The following CTNND2 variants were observed in gnomAD, a reference collection of about 807,000 sequenced individuals.
The protein encoded by CTNND2 is catenin delta 2.
Under a neutral mutation model 144.4 loss-of-function variants are expected in CTNND2, and 22 were observed. That is an observed-to-expected ratio of 0.15 (90% CI 0.11 to 0.22). CTNND2 has a LOEUF of 0.22. CTNND2 is among the 10% of genes least tolerant of loss of function. The probability of loss-of-function intolerance (pLI) is 1.00; values close to 1 mark genes in which losing one functional copy is unlikely to be tolerated. For synonymous variants in CTNND2, 751 were observed against 695.6 expected (o/e 1.08, Z -1.25); for missense variants, 1,353 against 1,618.8 (o/e 0.84, Z 2.82).
intron 12 of CTNND2, among the ~76,000 whole-genome samples, chr5:11,132,187 C>T (rs1755686026): frequency 6.6e-6 from 1 of 152,202 alleles, no homozygotes; most frequent in Non-Finnish European, 1.5e-5. Flanking sequence ...TGTAAGCTGA[C>T]TGCTCACTGG....
intron 2 of CTNND2, among the ~76,000 whole-genome samples, chr5:11,677,157 T>C (rs1021515453): frequency 5.9e-5 from 9 of 152,202 alleles, no homozygotes; most frequent in Non-Finnish European, 1.3e-4. Flanking sequence ...CTTAAGAGTC[T>C]ATTCTTGCAA....
At chr5:11,133,209 A>G (rs1389103340) in intron 12 of CTNND2, among the ~76,000 whole-genome samples, 1 of 152,072 alleles carries the variant, frequency 6.6e-6, no homozygotes, top group East Asian at 1.9e-4. Flanking sequence ...AAACAGTAAA[A>G]CTTAAGATTA....
At chr5:11,896,660 T>C (rs1038806810) in intron 1 of CTNND2, among the ~76,000 whole-genome samples, 3 of 152,234 alleles carry the variant, frequency 2.0e-5, no homozygotes, top group African/African-American at 7.2e-5. Flanking sequence ...CTATGATATA[T>C]TTAGTGGAAA....
chr5:11,011,361 A>G (rs1741062008), intron 18 of CTNND2, among the ~76,000 whole-genome samples: 1 of 151,802 alleles, frequency 6.6e-6, no homozygotes, highest in South Asian at 2.1e-4. Flanking sequence ...TTACAGGCGG[A>G]TTGCACTGCC....
intron 1 of CTNND2, among the ~76,000 whole-genome samples, chr5:11,898,687 C>T (rs1351821720): frequency 1.3e-5 from 2 of 152,078 alleles, no homozygotes; most frequent in Non-Finnish European, 2.9e-5. Flanking sequence ...CACCTGCTTA[C>T]TTTGATCCAA....
intron 9 of CTNND2, among the ~76,000 whole-genome samples, chr5:11,309,751 T>A (rs1237480411): frequency 6.6e-6 from 1 of 152,204 alleles, no homozygotes; most frequent in Non-Finnish European, 1.5e-5. Flanking sequence ...TTTGGATTTG[T>A]GTCGTTGCTC....
intron 3 of CTNND2, among the ~76,000 whole-genome samples, chr5:11,481,424 C>T (rs1219352687): frequency 6.6e-6 from 1 of 152,116 alleles, no homozygotes; most frequent in Non-Finnish European, 1.5e-5. Context: ...TCAGCCTGGG[C>T]AACATGGCGA....
At chr5:11,566,363 C>A (rs895347241) in intron 2 of CTNND2, among the ~76,000 whole-genome samples, 3 of 152,158 alleles carry the variant, frequency 2.0e-5, no homozygotes, top group African/African-American at 7.2e-5. Flanking sequence ...AAGATCTCGG[C>A]TGAATGTATT....
chr5:11,661,769 C>T (rs991963991), intron 2 of CTNND2, among the ~76,000 whole-genome samples: 10 of 151,954 alleles, frequency 6.6e-5, no homozygotes, highest in African/African-American at 2.2e-4. Flanking sequence ...TTCCGATAAG[C>T]TGAATAAATT....
chr5:11,877,301 C>T (rs1735637834), intron 1 of CTNND2, among the ~76,000 whole-genome samples: 1 of 152,090 alleles, frequency 6.6e-6, no homozygotes, highest in South Asian at 2.1e-4. Context: ...ACTTAGTTCA[C>T]TAATTAGCAG....
chr5:11,230,807 G>T (rs1220229754), intron 10 of CTNND2, among the ~76,000 whole-genome samples: 1 of 152,136 alleles, frequency 6.6e-6, no homozygotes, highest in African/African-American at 2.4e-5. Flanking sequence ...AAAACTTGCT[G>T]ATCTACAAAG....
At chr5:11,179,544 T>G (rs551773993) in intron 11 of CTNND2, among the ~76,000 whole-genome samples, 7 of 152,252 alleles carry the variant, frequency 4.6e-5, no homozygotes, top group African/African-American at 1.7e-4. Flanking sequence ...TATCTGTACC[T>G]AACCCTGACA....
chr5:11,782,199 G>T (rs1790576024), intron 1 of CTNND2, among the ~76,000 whole-genome samples: 1 of 152,120 alleles, frequency 6.6e-6, no homozygotes, highest in Admixed American at 6.5e-5. Context: ...ATGTGGATCT[G>T]TGAGTCCTCT....
intron 1 of CTNND2, among the ~76,000 whole-genome samples, chr5:11,856,827 T>C (rs1169207413): frequency 1.3e-5 from 2 of 152,220 alleles, no homozygotes; most frequent in African/African-American, 2.4e-5. Context: ...CCTTATGTGA[T>C]GAATTCCTGG....
rs117019129 is a variant in CTNND2, at chr5:11,692,753, C to T, written c.174+39383G>A. On this transcript the variant is annotated intron_variant, in intron 2 of 21. Coordinates refer to ENST00000304623, the MANE Select transcript of CTNND2 (RefSeq NM_001332.4). ...AGTAGCTGCAATTTCAGGTGGCTGC[C>T]GCCATGCCTGGCTAATTTTTATATT... Among the ~76,000 whole-genome samples the T allele has an allele frequency of 1.8e-3, 281 of 152,304 alleles. 4 individuals carry two copies. In the East Asian group the frequency reaches 0.04, roughly 21 times the overall value.
chr5:11,749,062 T>C lies in CTNND2; in HGVS notation c.38-16790A>G, dbSNP rs138848020. 2.7e-3 allele frequency among the ~76,000 whole-genome samples: 407 copies of C among 152,072 alleles called. 3 individuals carry two copies. Among genetic ancestry groups the C allele is most frequent in the African/African-American group, 8.9e-3 (369 of 41,538 alleles). ...CACGTAAGGAAAAACTAAAGCCTCC[T>C]ACCAACAACTGGCAAAGGACTGATA... is the stretch of plus-strand genomic sequence containing the variant. On this transcript the variant is annotated intron_variant, in intron 1 of 21. Transcript: ENST00000304623.
In CTNND2 at chr5:11,022,912, G is replaced by A; in HGVS notation, c.2856C>T (p.Ser952=). ...PGGNNSNNTA[S]KAMSDDTVTA... ...TCACTGTGTCATCCGACATGGCCTT[G>A]CTTGCAGTGTTGTTGCTGTTGTTCC... Residue 952 remains serine, a synonymous_variant, in exon 17 of 22, where the codon AGC becomes AGT. Coordinates refer to ENST00000304623, the MANE Select transcript of CTNND2 (RefSeq NM_001332.4). 6.2e-7 allele frequency: 1 copy of A among 1,614,214 alleles called. No homozygotes were observed. The highest frequency in any genetic ancestry group is 1.1e-5 in the South Asian group (1 of 91,084).
intron 10 of CTNND2, among the ~76,000 whole-genome samples, chr5:11,201,749 A>G (rs27720): frequency 0.45 from 68,263 of 151,938 alleles, 16,087 homozygotes; most frequent in African/African-American, 0.6. Context: ...GAGGGTGGTC[A>G]CAGCACCTGG....
chr5:11,392,144 T>C (rs1234065846), intron 6 of CTNND2, among the ~76,000 whole-genome samples: 1 of 152,160 alleles, frequency 6.6e-6, no homozygotes, highest in Non-Finnish European at 1.5e-5. Context: ...GAGGCGGCAA[T>C]GGATTCATTT....
Sources: allele counts gnomAD v4.1 joint callset (sites outside exome capture counted in the v4.1 genomes callset), GRCh38; gene constraint gnomAD v4.1.1; transcripts MANE v1.5; gene names NCBI Gene and HGNC (gene_info 2026-07-23, HGNC 2026-07-21).